FAM107B: variants seen among roughly 807,000 people sequenced by gnomAD.
FAM107B encodes family with sequence similarity 107 member B.
In FAM107B, 21 loss-of-function variants were observed where a neutral mutation model predicts 31.5. The ratio of observed to expected loss-of-function variants is 0.67; its 90% CI spans 0.47 to 0.96. The LOEUF (loss-of-function observed/expected upper bound fraction) is 0.96, where lower values mean the gene tolerates loss of function less well. Among genes scored for constraint, FAM107B ranks in the 40% least tolerant of loss-of-function variants. The pLI is 0.00. For missense variants in FAM107B, 452 were observed against 377.1 expected, an observed-to-expected ratio of 1.20 and a Z score of -1.64; for synonymous variants, 157 against 141.5, an observed-to-expected ratio of 1.11 and a Z score of -0.78.
At chr10:14,743,709 CTA>C (rs1374250341) in intron 1 of FAM107B, among the ~76,000 whole-genome samples, 2 of 152,150 alleles carry the variant, frequency 1.3e-5, no homozygotes, top group African/African-American at 4.8e-5. Flanking sequence ...TTCCATTGGT[CTA>C]TGTGTCTGTT....
chr10:14,615,159 T>C (rs1170749282), intron 2 of FAM107B, among the ~76,000 whole-genome samples: 1 of 152,018 alleles, frequency 6.6e-6, no homozygotes, highest in East Asian at 1.9e-4. Context: ...TGAAAACTCA[T>C]CTCTACTAAA....
intron 2 of FAM107B, among the ~76,000 whole-genome samples, chr10:14,655,265 C>CA (rs1352434232): frequency 6.6e-6 from 1 of 152,214 alleles, no homozygotes; most frequent in African/African-American, 2.4e-5. Context: ...CCACCTCCAA[C>CA]ACTGGGGATC....
intron 2 of FAM107B, among the ~76,000 whole-genome samples, chr10:14,570,896 G>C (rs1312566601): frequency 6.6e-6 from 1 of 151,144 alleles, no homozygotes; most frequent in Admixed American, 6.6e-5. Flanking sequence ...AACTGTGAAG[G>C]AGGAGGTGAT....
At chr10:14,560,425 C>G (rs892568503) in intron 2 of FAM107B, among the ~76,000 whole-genome samples, 1 of 152,168 alleles carries the variant, frequency 6.6e-6, no homozygotes, top group South Asian at 2.1e-4. Context: ...GCCGTCAGAG[C>G]GGGAAAGCCC....
chr10:14,624,596 G>A lies in FAM107B; in HGVS notation c.469+43038C>T, dbSNP rs139999231. ...GGTTGCAATATACAGAGATCCTGCC[G>A]GTGCACACCAGCCTGGATGACAGAG... On this transcript the variant is annotated intron_variant, in intron 2 of 4. Transcript: ENST00000181796. Among the ~76,000 whole-genome samples, 655 of 152,012 alleles carry A rather than the reference G, an allele frequency of 4.3e-3. 8 individuals are homozygous for A. The highest frequency in any genetic ancestry group is 0.015 in the African/African-American group (626 of 41,456).
At chr10:14,659,211 T>C (rs972400183) in intron 2 of FAM107B, among the ~76,000 whole-genome samples, 1 of 151,724 alleles carries the variant, frequency 6.6e-6, no homozygotes, top group African/African-American at 2.4e-5. Context: ...GAGGCTGAGG[T>C]GGGTGGATCA....
At chr10:14,595,819 C>T (rs1328943482) in intron 2 of FAM107B, among the ~76,000 whole-genome samples, 1 of 152,120 alleles carries the variant, frequency 6.6e-6, no homozygotes, top group Non-Finnish European at 1.5e-5. Flanking sequence ...CAGGTGTCAC[C>T]CACAATGCCT....
intron 1 of FAM107B, among the ~76,000 whole-genome samples, chr10:14,712,999 G>A (rs1052341504): frequency 4.6e-5 from 7 of 152,082 alleles, no homozygotes; most frequent in African/African-American, 1.7e-4. Flanking sequence ...CCAGTCCTTG[G>A]TTACTGAGCC....
intron 2 of FAM107B, among the ~76,000 whole-genome samples, chr10:14,620,854 T>A (rs939065912): frequency 6.6e-6 from 1 of 152,258 alleles, no homozygotes; most frequent in Non-Finnish European, 1.5e-5. Context: ...TTAGGTCTTG[T>A]TCGATTTCCT....
At chr10:14,653,861 C>A (rs1449206157) in intron 2 of FAM107B, 1 of 152,160 alleles carries the variant, frequency 6.6e-6, no homozygotes, top group Non-Finnish European at 1.5e-5. Context: ...CTTACCTGCT[C>A]CTCAGACCAC....
chr10:14,764,271 T>C (rs922763815), intron 1 of FAM107B, among the ~76,000 whole-genome samples: 5 of 152,354 alleles, frequency 3.3e-5, no homozygotes, highest in Non-Finnish European at 7.3e-5. Flanking sequence ...ACTACCCTTT[T>C]TTGTTGAGAT....
chr10:14,753,796 C>T (rs377682349), intron 1 of FAM107B, among the ~76,000 whole-genome samples: 2 of 152,054 alleles, frequency 1.3e-5, no homozygotes, highest in African/African-American at 4.8e-5. Flanking sequence ...ATTTTAGTAA[C>T]CAGAGAAAGT....
chr10:14,582,523 G>A (rs921176465), intron 2 of FAM107B, among the ~76,000 whole-genome samples: 36 of 151,534 alleles, frequency 2.4e-4, no homozygotes, highest in African/African-American at 5.3e-4. Flanking sequence ...ACTAACAGGC[G>A]CCTGCCACCA....
chr10:14,551,593 T>TC (rs993932313), intron 2 of FAM107B, among the ~76,000 whole-genome samples: 2 of 151,794 alleles, frequency 1.3e-5, no homozygotes, highest in African/African-American at 4.8e-5. Context: ...ATTTTCCTTT[T>TC]TTTTTTTTTA....
chr10:14,655,802 G>C (rs373741911), intron 2 of FAM107B, among the ~76,000 whole-genome samples: 2 of 152,208 alleles, frequency 1.3e-5, no homozygotes, highest in African/African-American at 4.8e-5. Context: ...GGATCCCTGG[G>C]AGCCAGCTCC....
At chr10:14,599,648 A>T (rs948282150) in intron 2 of FAM107B, among the ~76,000 whole-genome samples, 9 of 152,208 alleles carry the variant, frequency 5.9e-5, no homozygotes, top group Admixed American at 1.3e-4. Context: ...ACAGTTTTTT[A>T]AAAAAAGATA....
intron 2 of FAM107B, among the ~76,000 whole-genome samples, chr10:14,586,841 C>G (rs945606254): frequency 6.6e-6 from 1 of 152,206 alleles, no homozygotes; most frequent in South Asian, 2.1e-4. Flanking sequence ...TCTACCCCCA[C>G]CAGGTTCCTA....
At chr10:14,674,218 A>G (rs1179058086) in intron 1 of FAM107B, among the ~76,000 whole-genome samples, 1 of 152,244 alleles carries the variant, frequency 6.6e-6, no homozygotes, top group Admixed American at 6.5e-5. Context: ...GTACCTCAAA[A>G]ACAGTCAACA....
chr10:14,543,160 C>G (rs1260807249), intron 2 of FAM107B, among the ~76,000 whole-genome samples: 1 of 152,108 alleles, frequency 6.6e-6, no homozygotes, highest in Non-Finnish European at 1.5e-5. Context: ...TTGATTTTAC[C>G]AGCAAAGCAC....
Sources: allele counts gnomAD v4.1 joint callset (sites outside exome capture counted in the v4.1 genomes callset), GRCh38; gene constraint gnomAD v4.1.1; transcripts MANE v1.5; gene names NCBI Gene and HGNC (gene_info 2026-07-23, HGNC 2026-07-21).